The following XYLT1 variants were observed in gnomAD, a reference collection of about 807,000 sequenced individuals.
XYLT1 encodes beta-D-xylosyltransferase 1.
XYLT1 carries 36 observed loss-of-function variants against 91.3 expected under a neutral mutation model. The observed-to-expected ratio is 0.39, with a 90% CI of 0.30 to 0.52. The LOEUF (loss-of-function observed/expected upper bound fraction) is 0.52, where lower values mean the gene tolerates loss of function less well. Among genes scored for constraint, XYLT1 ranks in the 20% least tolerant of loss-of-function variants. XYLT1 has a pLI of 0.68. For missense variants in XYLT1, 1,242 were observed against 1,284.5 expected (o/e 0.97, Z 0.51); for synonymous variants, 588 against 532.0 (o/e 1.11, Z -1.45).
intron 2 of XYLT1, among the ~76,000 whole-genome samples, chr16:17,294,562 G>A (rs1364914394): frequency 6.6e-6 from 1 of 152,132 alleles, no homozygotes; most frequent in Non-Finnish European, 1.5e-5. Flanking sequence ...AGGCTGTGTT[G>A]TAAGGGCTTT....
chr16:17,139,420 G>C (rs1236473288), intron 7 of XYLT1, among the ~76,000 whole-genome samples: 1 of 152,174 alleles, frequency 6.6e-6, no homozygotes, highest in African/African-American at 2.4e-5. Flanking sequence ...ATGTGCTTGT[G>C]TGTGCTGGGG....
intron 3 of XYLT1, among the ~76,000 whole-genome samples, chr16:17,252,309 G>C (rs1170277256): frequency 6.6e-6 from 1 of 152,202 alleles, no homozygotes; most frequent in Non-Finnish European, 1.5e-5. Flanking sequence ...GTTATGTCAT[G>C]AGTAACGGCA....
At chr16:17,355,607 A>G (rs2035284408) in intron 2 of XYLT1, among the ~76,000 whole-genome samples, 1 of 152,116 alleles carries the variant, frequency 6.6e-6, no homozygotes, top group Non-Finnish European at 1.5e-5. Context: ...ATCTATTTTA[A>G]TGTTGTGCAA....
chr16:17,291,093 C>A (rs1056814363), intron 2 of XYLT1, among the ~76,000 whole-genome samples: 11 of 152,164 alleles, frequency 7.2e-5, no homozygotes, highest in African/African-American at 2.4e-4. Flanking sequence ...CACCACCACA[C>A]CTGGTTAACT....
intron 1 of XYLT1, among the ~76,000 whole-genome samples, chr16:17,416,752 G>C (rs540477207): frequency 1.3e-5 from 2 of 152,156 alleles, no homozygotes; most frequent in Non-Finnish European, 2.9e-5. Flanking sequence ...CTCCACCAGG[G>C]GTTGCCAGGG....
At chr16:17,376,495 G>A (rs941639422) in intron 1 of XYLT1, among the ~76,000 whole-genome samples, 1 of 152,138 alleles carries the variant, frequency 6.6e-6, no homozygotes, top group Admixed American at 6.6e-5. Flanking sequence ...CATCTGAAGG[G>A]CCTAAAACAG....
chr16:17,465,562 G>GC (rs1567213293), intron 1 of XYLT1, among the ~76,000 whole-genome samples: 6 of 135,922 alleles, frequency 4.4e-5, no homozygotes, highest in South Asian at 2.4e-4. Flanking sequence ...TTTTTGGGGG[G>GC]GGGGGGGGTG....
chr16:17,288,743 T>C (rs2034177397), intron 2 of XYLT1, among the ~76,000 whole-genome samples: 1 of 152,114 alleles, frequency 6.6e-6, no homozygotes, highest in South Asian at 2.1e-4. Context: ...GACTTTCCTC[T>C]CAGTTGAGAT....
intron 2 of XYLT1, among the ~76,000 whole-genome samples, chr16:17,291,758 T>G (rs532043005): frequency 1.3e-5 from 2 of 152,344 alleles, no homozygotes; most frequent in East Asian, 3.9e-4. Flanking sequence ...TATTTATTCC[T>G]GCTGTTCGGT....
intron 11 of XYLT1, 124 bp downstream of exon 11, chr16:17,117,522 G>T: frequency 2.0e-6 from 2 of 978,254 alleles, no homozygotes; most frequent in African/African-American, 1.6e-5. Flanking sequence ...TTGAGAGCAA[G>T]GAGTGCTGTT....
At chr16:17,358,827 G>A (rs1420581227) in intron 1 of XYLT1, among the ~76,000 whole-genome samples, 1 of 152,164 alleles carries the variant, frequency 6.6e-6, no homozygotes, top group Non-Finnish European at 1.5e-5. Context: ...AAGAACAAGG[G>A]AAGGAATGAG....
intron 1 of XYLT1, among the ~76,000 whole-genome samples, chr16:17,425,340 C>G (rs1158251541): frequency 6.6e-6 from 1 of 152,170 alleles, no homozygotes; most frequent in Non-Finnish European, 1.5e-5. Flanking sequence ...TGCTCATTAA[C>G]ATCGTCTATA....
At chr16:17,219,766 C>T (rs566238183) in intron 3 of XYLT1, among the ~76,000 whole-genome samples, 12 of 152,118 alleles carry the variant, frequency 7.9e-5, no homozygotes, top group African/African-American at 2.2e-4. Context: ...CAGTGGCTCA[C>T]GCCTGTAATT....
Position 17,470,801 on chromosome 16 carries a change from G to C in XYLT1, c.-5C>G, listed in dbSNP as rs117041807. 185,615 of 998,046 alleles carry C rather than the reference G, an allele frequency of 0.19. 18,395 individuals carry two copies. The highest frequency in any genetic ancestry group is 0.2 in the Non-Finnish European group (171,996 of 840,664). The allele number at this position is 998,046 out of a possible 1,614,324, so 61.8% of individuals were successfully genotyped here. A position where few individuals can be genotyped will look rare whatever the true frequency, so the allele number is the denominator to read the frequency against. Reference sequence around the variant, plus strand: ...GGCGCACGGCGCCGCCACCATCTTCGGAGCGCGGCCGGCGAGCGAGGCGCG... The same window carrying C: ...GGCGCACGGCGCCGCCACCATCTTCCGAGCGCGGCCGGCGAGCGAGGCGCG... On this transcript the variant is annotated 5_prime_UTR_variant, in exon 1 of 12. Transcript: ENST00000261381.
intron 10 of XYLT1, among the ~76,000 whole-genome samples, chr16:17,125,638 G>C (rs537623711): frequency 6.6e-6 from 1 of 152,048 alleles, no homozygotes. Context: ...CTTCCTAGAT[G>C]AATCAATCAT....
chr16:17,230,214 C>T (rs937322291), intron 3 of XYLT1, among the ~76,000 whole-genome samples: 3 of 152,092 alleles, frequency 2.0e-5, no homozygotes, highest in East Asian at 1.9e-4. Context: ...TTATGGTGGC[C>T]GTAGGGAACT....
chr16:17,269,805 T>TTATTATTATTATTATTAC (rs1433487824), intron 2 of XYLT1, among the ~76,000 whole-genome samples: 1 of 149,270 alleles, frequency 6.7e-6, no homozygotes, highest in Non-Finnish European at 1.5e-5. Flanking sequence ...ATTATTATTA[T>TTATTATTATTATTATTAC]TATTATTATT....
chr16:17,468,695 C>G (rs574950941), intron 1 of XYLT1, among the ~76,000 whole-genome samples: 127 of 152,218 alleles, frequency 8.3e-4, no homozygotes, highest in Non-Finnish European at 1.6e-3. Flanking sequence ...CTCCTTCCTT[C>G]TCTTCATTTG....
At chr16:17,299,576 C>T (rs1043472990) in intron 2 of XYLT1, among the ~76,000 whole-genome samples, 4 of 152,314 alleles carry the variant, frequency 2.6e-5, no homozygotes, top group African/African-American at 7.2e-5. Flanking sequence ...GCGTCCCTTC[C>T]ACCTCGCTTC....
Sources: allele counts gnomAD v4.1 joint callset (sites outside exome capture counted in the v4.1 genomes callset), GRCh38; gene constraint gnomAD v4.1.1; transcripts MANE v1.5; gene names NCBI Gene and HGNC (gene_info 2026-07-23, HGNC 2026-07-21).